Variants in RAB3IP observed in about 807,000 individuals in gnomAD.
RAB3IP encodes the protein RAB3A interacting protein.
A neutral mutation model predicts 59.1 loss-of-function variants in RAB3IP; 36 were observed. The ratio of observed to expected loss-of-function variants is 0.61; its 90% CI spans 0.47 to 0.80. The LOEUF (loss-of-function observed/expected upper bound fraction) is 0.80. Among genes scored for constraint, RAB3IP ranks in the 30% least tolerant of loss-of-function variants. The probability of loss-of-function intolerance (pLI) is 0.00; values close to 1 mark genes in which losing one functional copy is unlikely to be tolerated. For synonymous variants in RAB3IP, 207 were observed against 191.2 expected (o/e 1.08, Z -0.68); for missense variants, 511 against 536.0 (o/e 0.95, Z 0.46).
chr12:69,802,266 G>A (rs758226696), intron 8 of RAB3IP, among the ~76,000 whole-genome samples: 1 of 151,908 alleles, frequency 6.6e-6, no homozygotes, highest in Non-Finnish European at 1.5e-5. Flanking sequence ...AAGTCTTATC[G>A]ATCATGAAAA....
chr12:69,770,561 C>T (rs1049678020), intron 3 of RAB3IP, among the ~76,000 whole-genome samples: 3 of 152,168 alleles, frequency 2.0e-5, no homozygotes, highest in African/African-American at 7.2e-5. Flanking sequence ...AGAGGGCCAA[C>T]TGTATCTCTC....
At chr12:69,739,947 G>T in intron 1 of RAB3IP, 1 of 1,451,216 alleles carries the variant, frequency 6.9e-7, no homozygotes, top group East Asian at 2.3e-5. Context: ...TGGAAATGTT[G>T]CCTGTTCGGA....
At chr12:69,756,359 G>A (rs367976716) in intron 2 of RAB3IP, 46 bp from the exon 3 acceptor site, 20 of 1,592,196 alleles carry the variant, frequency 1.3e-5, no homozygotes, top group Admixed American at 5.2e-5. Context: ...CAGTTCTATT[G>A]GAGCATATGC....
At chr12:69,754,225 G>T (rs1055943167) in intron 1 of RAB3IP, among the ~76,000 whole-genome samples, 1 of 152,028 alleles carries the variant, frequency 6.6e-6, no homozygotes, top group African/African-American at 2.4e-5. Flanking sequence ...TTTGAATGGG[G>T]CCTGTTGATT....
At chr12:69,781,548 A>T (rs1874704201) in intron 3 of RAB3IP, among the ~76,000 whole-genome samples, 2 of 151,970 alleles carry the variant, frequency 1.3e-5, no homozygotes, top group South Asian at 4.2e-4. Flanking sequence ...CTCCCTAAAA[A>T]CCCTGGCAAC....
At chr12:69,741,063 G>C (rs558373945) in intron 1 of RAB3IP, among the ~76,000 whole-genome samples, 32 of 152,296 alleles carry the variant, frequency 2.1e-4, no homozygotes, top group Non-Finnish European at 2.4e-4. Context: ...ATATTCTGCT[G>C]TTTTTTATGT....
chr12:69,750,726 CT>C (rs113789962), intron 1 of RAB3IP, among the ~76,000 whole-genome samples: 47,390 of 140,722 alleles, frequency 0.34, 7,754 homozygotes, highest in South Asian at 0.39. Flanking sequence ...TGGGGTCTTT[CT>C]TTTTTTTTTT....
rs1036456074 is a variant in RAB3IP, at chr12:69,800,173, T to G, written c.889-36T>G. 6 of 1,473,752 alleles carry G rather than the reference T, an allele frequency of 4.1e-6. No homozygotes were observed. In the African/African-American group the frequency reaches 8.8e-5, roughly 22 times the overall value. The allele number at this position is 1,473,752 out of a possible 1,614,324, so 91.3% of individuals were successfully genotyped here. On this transcript the variant is annotated intron_variant, in intron 6 of 10. Coordinates refer to ENST00000247833, the MANE Select transcript of RAB3IP (RefSeq NM_022456.5). ...AAGCGGTTTTTATGTTTATACGTTT[T>G]AAAACATGTTTTTGTGTTTTCCTTT...
rs966036520 is a variant in RAB3IP, at chr12:69,795,324, A to G, written c.868A>G (p.Ile290Val). ...TCAGGACCTCAGTGTGATACAGCCA[A>G]TTGTAAAAGACTGCAAAGAGGTAAC... ...SHQDLSVIQP[I>V]VKDCKEADLS... Residue 290 changes from isoleucine to valine, a missense_variant, in exon 6 of 11, where the codon ATT becomes GTT. By Grantham distance (29) the Ile-to-Val change is conservative (BLOSUM62 3). Coordinates refer to ENST00000247833, the MANE Select transcript of RAB3IP (RefSeq NM_022456.5). 26 of 1,613,526 alleles carry G rather than the reference A, an allele frequency of 1.6e-5. No homozygotes were observed. Among genetic ancestry groups the G allele is most frequent in the Middle Eastern group, 1.6e-4 (1 of 6,082 alleles).
intron 3 of RAB3IP, among the ~76,000 whole-genome samples, chr12:69,773,398 T>TC (rs1157599761): frequency 2.5e-5 from 3 of 117,956 alleles, no homozygotes; most frequent in African/African-American, 1.0e-4. Context: ...CATTTGTCTT[T>TC]CTTTTTTTTT....
intron 1 of RAB3IP, chr12:69,739,563 C>G: frequency 2.0e-6 from 1 of 507,790 alleles, no homozygotes; most frequent in South Asian, 2.3e-5. Context: ...TAGGAAACTA[C>G]GCGCGAGGCA....
At chr12:69,797,454 T>G (rs1238672223) in intron 6 of RAB3IP, among the ~76,000 whole-genome samples, 1 of 150,332 alleles carries the variant, frequency 6.7e-6, no homozygotes, top group Non-Finnish European at 1.5e-5. Context: ...TGCTTTGGGG[T>G]TTATGTCCTT....
intron 3 of RAB3IP, among the ~76,000 whole-genome samples, chr12:69,766,462 G>T (rs902321326): frequency 2.0e-5 from 3 of 151,114 alleles, no homozygotes; most frequent in African/African-American, 7.3e-5. Flanking sequence ...GCTTTCAATT[G>T]TATTTTCAAA....
intron 8 of RAB3IP, among the ~76,000 whole-genome samples, chr12:69,810,277 A>C (rs1880211178): frequency 6.6e-6 from 1 of 152,130 alleles, no homozygotes. Context: ...TCAGAGGAGT[A>C]CCCGGCAGTG....
At chr12:69,788,566 A>G (rs1876097377) in intron 4 of RAB3IP, among the ~76,000 whole-genome samples, 1 of 152,150 alleles carries the variant, frequency 6.6e-6, no homozygotes, top group Non-Finnish European at 1.5e-5. Context: ...GTGTAAAACA[A>G]ACTGACAGAT....
At position 69,755,490 on chromosome 12, in the gene RAB3IP, T is replaced by A; in HGVS notation, c.82T>A (p.Ser28Thr). 2 of 1,614,134 alleles carry A rather than the reference T, an allele frequency of 1.2e-6. No individual in the cohort carries two copies. Among genetic ancestry groups the A allele is most frequent in the Non-Finnish European group, 1.7e-6 (2 of 1,180,008 alleles). The change falls in exon 2 of 11, where the codon TCA (serine) becomes ACA (threonine). Residue 28 changes from serine to threonine, a missense_variant. By Grantham distance (58) the Ser-to-Thr change is moderately conservative. Transcript: ENST00000247833. Reference sequence around the variant, plus strand: ...TCCGGACCTTCTTGGTGTGTATGAATCAGGAACTCAAGAGCAGACTACCTC... The same window carrying A: ...TCCGGACCTTCTTGGTGTGTATGAAACAGGAACTCAAGAGCAGACTACCTC... ...TSPDLLGVYE[S>T]GTQEQTTSPS...
At chr12:69,779,170 C>T (rs1159362626) in intron 3 of RAB3IP, 2 of 140,004 alleles carry the variant, frequency 1.4e-5, no homozygotes, top group Non-Finnish European at 1.5e-5. Flanking sequence ...TGGGAGTGAC[C>T]CGATTTTCCA....
At chr12:69,799,033 C>G (rs1299530538) in intron 6 of RAB3IP, among the ~76,000 whole-genome samples, 1 of 152,102 alleles carries the variant, frequency 6.6e-6, no homozygotes, top group Non-Finnish European at 1.5e-5. Context: ...AAAGAAAATG[C>G]ATTTGAAAAT....
chr12:69,805,665 C>G lies in RAB3IP; in HGVS notation c.1130+3944C>G, dbSNP rs549625406. 9.6e-3 allele frequency among the ~76,000 whole-genome samples: 1,456 copies of G among 151,596 alleles called. 19 individuals carry two copies. Among genetic ancestry groups the G allele is most frequent in the African/African-American group, 0.031 (1,279 of 41,168 alleles). ...AGATAGCTCTTATTATTTTGAAATA[C>G]GTCCCATCAATACCTAATTTATTGA... On this transcript the variant is annotated intron_variant, in intron 8 of 10. Transcript: ENST00000247833.
Sources: allele counts gnomAD v4.1 joint callset (sites outside exome capture counted in the v4.1 genomes callset), GRCh38; gene constraint gnomAD v4.1.1; transcripts MANE v1.5; gene names NCBI Gene and HGNC (gene_info 2026-07-23, HGNC 2026-07-21).